The following AQR variants were observed in gnomAD, a reference collection of about 807,000 sequenced individuals.
AQR encodes the protein RNA helicase aquarius.
In AQR, 61 loss-of-function variants were observed where a neutral mutation model predicts 180.5. That is an observed-to-expected ratio of 0.34 (90% confidence interval 0.28 to 0.42). AQR has a LOEUF of 0.42. Among genes scored for constraint, AQR ranks in the 10% least tolerant of loss-of-function variants. The probability of loss-of-function intolerance (pLI) is 1.00; values close to 1 mark genes in which losing one functional copy is unlikely to be tolerated. For synonymous variants in AQR, 551 were observed against 588.8 expected (o/e 0.94, Z 0.93); for missense variants, 1,281 against 1,798.3 (o/e 0.71, Z 5.20).
chr15:34,969,680 C>T lies in AQR; in HGVS notation c.-67G>A, dbSNP rs1164112939. 2 of 1,529,500 alleles carry T rather than the reference C, an allele frequency of 1.3e-6. No individual in the cohort carries two copies. The highest frequency in any genetic ancestry group is 1.4e-5 in the African/African-American group (1 of 72,346). The allele number at this position is 1,529,500 out of a possible 1,614,324, so 94.7% of individuals were successfully genotyped here. On this transcript the variant is annotated 5_prime_UTR_variant, in exon 1 of 35. Transcript: ENST00000156471. The stretch of plus-strand genomic sequence containing the variant: ...GCTCTGGGCAGCGGCAACCCTGGTC[C>T]ACTTCCCTTAAGTTACTGCCGGGGC...
chr15:34,873,077 A>T (rs1287518991), intron 30 of AQR, among the ~76,000 whole-genome samples: 1 of 152,060 alleles, frequency 6.6e-6, no homozygotes, highest in African/African-American at 2.4e-5. Context: ...TATCATTCTT[A>T]GTGGCTATCT....
At chr15:34,894,931 G>A (rs1353767557) in intron 22 of AQR, among the ~76,000 whole-genome samples, 1 of 151,450 alleles carries the variant, frequency 6.6e-6, no homozygotes, top group Admixed American at 6.6e-5. Context: ...TTGGGAGGCT[G>A]AGGCAGGCAG....
chr15:34,856,895 G>A lies in AQR; in HGVS notation c.4355C>T (p.Pro1452Leu), dbSNP rs1892593347. Residue 1452 changes from proline (P) to leucine (L), a missense_variant, in exon 35 of 35, where the codon CCT becomes CTT. Coordinates refer to ENST00000156471, the MANE Select transcript of AQR (RefSeq NM_014691.3). Reference protein sequence around the residue: ...TGATSTPEAIPALSETTPTVV... With the variant: ...TGATSTPEAILALSETTPTVV... ...AGTAGGGGTGGTCTCAGATAAAGCAGGGATGGCTTCTGGAGTGGAAGTGGC... is the reference window on the plus strand; with the variant it reads ...AGTAGGGGTGGTCTCAGATAAAGCAAGGATGGCTTCTGGAGTGGAAGTGGC... The A allele has an allele frequency of 6.2e-7, 1 of 1,614,072 alleles. No homozygotes were observed. The highest frequency in any genetic ancestry group is 1.1e-5 in the South Asian group (1 of 91,056).
Position 34,898,757 on chromosome 15 carries a change from G to A in AQR, c.2244-1052C>T, listed in dbSNP as rs576884368. On this transcript the variant is annotated intron_variant, in intron 20 of 34. Transcript: ENST00000156471. The stretch of plus-strand genomic sequence containing the variant: ...AAATTAGCCGGGCGTGGTGGCGGGC[G>A]CCTGTAGTCCCAGCTACTCAGGAGG... 1.9e-4 allele frequency among the ~76,000 whole-genome samples: 29 copies of A among 151,834 alleles called. No individual in the cohort carries two copies. The South Asian group carries it at 5.4e-3, about 28-fold the overall frequency.
intron 19 of AQR, among the ~76,000 whole-genome samples, chr15:34,903,988 A>G (rs569677737): frequency 8.5e-5 from 13 of 152,122 alleles, no homozygotes; most frequent in Non-Finnish European, 1.9e-4. Context: ...AAGAAGCCCC[A>G]GTAAACAAGT....
intron 3 of AQR, among the ~76,000 whole-genome samples, chr15:34,960,154 A>G (rs1053043292): frequency 4.6e-5 from 7 of 152,262 alleles, no homozygotes; most frequent in African/African-American, 1.7e-4. Context: ...GCAGGTGTAT[A>G]TACAAAAAGA....
chr15:34,946,398 C>G (rs147365140), intron 5 of AQR, among the ~76,000 whole-genome samples: 4 of 149,338 alleles, frequency 2.7e-5, no homozygotes, highest in African/African-American at 5.0e-5. Context: ...GTCAGCCCCC[C>G]GCCCGGCCAG....
intron 16 of AQR, 107 bp downstream of exon 16, chr15:34,914,931 A>C: frequency 8.5e-7 from 1 of 1,175,756 alleles, no homozygotes; most frequent in East Asian, 2.6e-5. Flanking sequence ...TTTAGAGGGC[A>C]CTTTTGTCTC....
chr15:34,873,751 G>A, intron 30 of AQR, 77 bp downstream of exon 30: 3 of 1,273,228 alleles, frequency 2.4e-6, no homozygotes, highest in Non-Finnish European at 3.2e-6. Context: ...ACGGCCAAAT[G>A]GTTAAGTATC....
Position 34,882,465 on chromosome 15 carries a change from T to TAAAAAAAAAAAA in AQR, c.3165+25_3165+36dup, listed in dbSNP as rs34949352. ...GAAGTGAGCCAATCTCTGATAATCT[T>TAAAAAAAAAAAA]AAAAAAAAAAAAAAAAAAACTACCA... On this transcript the variant is annotated intron_variant, in intron 27 of 34. Transcript: ENST00000156471. 27 of 1,200,470 alleles carry TAAAAAAAAAAAA rather than the reference T, an allele frequency of 2.2e-5. No individual in the cohort carries two copies. The African/African-American group carries it at 3.9e-4, about 17-fold the overall frequency. The allele number at this position is 1,200,470 out of a possible 1,614,324, so 74.4% of individuals were successfully genotyped here.
intron 27 of AQR, among the ~76,000 whole-genome samples, chr15:34,879,334 G>A (rs1595784403): frequency 6.6e-6 from 1 of 152,282 alleles, no homozygotes; most frequent in East Asian, 1.9e-4. Context: ...CAACTAGAGT[G>A]AGCGCAGAAT....
chr15:34,964,405 A>T, intron 1 of AQR, 115 bp from the exon 2 acceptor site: 1 of 860,608 alleles, frequency 1.2e-6, no homozygotes, highest in Non-Finnish European at 1.9e-6. Flanking sequence ...GCACTGGGGG[A>T]CAGAGTATAT....
intron 21 of AQR, among the ~76,000 whole-genome samples, chr15:34,897,184 T>C (rs762877528): frequency 3.3e-5 from 5 of 152,144 alleles, no homozygotes; most frequent in African/African-American, 4.8e-5. Flanking sequence ...CAGACCTCAT[T>C]TGGAGTGCCA....
At chr15:34,941,872 T>C (rs1894027998) in intron 7 of AQR, 140 bp downstream of exon 7, 5 of 462,408 alleles carry the variant, frequency 1.1e-5, no homozygotes, top group Non-Finnish European at 1.5e-5. Context: ...ACTATATCTA[T>C]GAAAAGTTAA....
rs556500288 is a variant in AQR at position 34,869,222 on chromosome 15, A to G, written c.3768+1530T>C. ...CCCATTCTTTTGGGTAGGTAGTGGT[A>G]TATCATTGTAGCTTTAATTTCTATT... On this transcript the variant is annotated intron_variant, in intron 31 of 34. Coordinates refer to ENST00000156471, the MANE Select transcript of AQR (RefSeq NM_014691.3). 4.6e-5 allele frequency: 7 copies of G among 152,268 alleles called. No homozygotes were observed. In the South Asian group the frequency reaches 1.4e-3, roughly 32 times the overall value. 9.4% of individuals were successfully genotyped at this position (152,268 alleles called of 1,614,324 possible). A position where few individuals can be genotyped will look rare whatever the true frequency, so the allele number is the denominator to read the frequency against.
In AQR at chr15:34,923,942, T is replaced by G. The variant is rs374964693; in HGVS notation, c.1118+3093A>C. ...TATTTTTAAAATAAGTTTGTCAATT[T>G]CTATAAAATATCCTGCTAGAATTAT... On this transcript the variant is annotated intron_variant, in intron 13 of 34. Transcript: ENST00000156471. Among the ~76,000 whole-genome samples, 15 of 152,346 alleles carry G rather than the reference T, an allele frequency of 9.8e-5. No individual in the cohort carries two copies. In the South Asian group the frequency reaches 3.1e-3, roughly 32 times the overall value.
At position 34,852,209 on chromosome 15, in the gene AQR, C is replaced by T. The variant is rs1335157629; in HGVS notation, c.*4583G>A. 2 of 147,266 alleles carry T rather than the reference C, an allele frequency of 1.4e-5. No individual in the cohort carries two copies. Among genetic ancestry groups the T allele is most frequent in the Non-Finnish European group, 3.0e-5 (2 of 67,258 alleles). 9.1% of individuals were successfully genotyped at this position (147,266 alleles called of 1,614,324 possible). The stretch of plus-strand genomic sequence containing the variant: ...TTTTTTTGAAGGAGTTTTTGCTCGT[C>T]GCCCAGGCTGGAGTACAGTGGCGCC... On this transcript the variant is annotated 3_prime_UTR_variant, in exon 35 of 35. Transcript: ENST00000156471.
chr15:34,868,235 T>G (rs7165835), intron 31 of AQR: 94,136 of 152,134 alleles, frequency 0.62, 31,490 homozygotes, highest in South Asian at 0.75. Flanking sequence ...GAAGGCTATG[T>G]TGGGAGGATT....
chr15:34,941,916 G>A lies in AQR; in HGVS notation c.540+96C>T, dbSNP rs369937052. On this transcript the variant is annotated intron_variant, in intron 7 of 34. Transcript: ENST00000156471. ...GCTTTTCTAAGAAAAGGGGTATTTA[G>A]CTACCACTTGTATATCCAGATTAAG... 4.8e-5 allele frequency: 42 copies of A among 868,744 alleles called. 6 individuals carry two copies. The highest frequency in any genetic ancestry group is 1.2e-4 in the Admixed American group (4 of 32,436). The allele number at this position is 868,744 out of a possible 1,614,324, so 53.8% of individuals were successfully genotyped here. A position where few individuals can be genotyped will look rare whatever the true frequency, so the allele number is the denominator to read the frequency against.
Sources: gnomAD v4.1 joint callset for allele counts (sites outside exome capture counted in the v4.1 genomes callset) on GRCh38, gnomAD v4.1.1 for gene constraint, MANE v1.5 for transcripts, NCBI Gene and HGNC (gene_info 2026-07-23, HGNC 2026-07-21) for gene names.